Variants in NDST4 observed in about 807,000 individuals in gnomAD.
NDST4 encodes N-heparan sulfate sulfotransferase 4.
A neutral mutation model predicts 100.8 loss-of-function variants in NDST4; 63 were observed. That is an observed-to-expected ratio of 0.62 (90% CI 0.51 to 0.77). NDST4 has a LOEUF of 0.77. Ranked by LOEUF, NDST4 falls within the 30% of genes least tolerant of loss-of-function variation. NDST4 has a pLI of 0.00. For synonymous variants in NDST4, 377 were observed against 361.8 expected (o/e 1.04, Z -0.48); for missense variants, 943 against 1,018.4 (o/e 0.93, Z 1.01).
At chr4:114,899,544 A>G (rs1560802402) in intron 6 of NDST4, among the ~76,000 whole-genome samples, 1 of 151,692 alleles carries the variant, frequency 6.6e-6, no homozygotes, top group East Asian at 1.9e-4. Context: ...TTTTTTTTTA[A>G]TCATGAATGG....
intron 2 of NDST4, among the ~76,000 whole-genome samples, chr4:115,013,370 T>TATATATATATATATACATATAC (rs74678897): frequency 2.8e-5 from 2 of 71,450 alleles, no homozygotes; most frequent in African/African-American, 8.3e-5. Flanking sequence ...TATATATATA[T>TATATATATATATATACATATAC]ACACACACAT....
chr4:114,840,487 A>G (rs1299787878), intron 10 of NDST4, among the ~76,000 whole-genome samples: 2 of 152,172 alleles, frequency 1.3e-5, no homozygotes, highest in African/African-American at 4.8e-5. Context: ...TAGAGGTAGA[A>G]GTTACTTGCT....
chr4:114,856,480 T>C (rs1226602016), intron 7 of NDST4, among the ~76,000 whole-genome samples: 2 of 152,232 alleles, frequency 1.3e-5, no homozygotes, highest in East Asian at 3.8e-4. Context: ...CTTTTAAATA[T>C]AACACTTGTC....
intron 2 of NDST4, among the ~76,000 whole-genome samples, chr4:115,048,232 C>G (rs887391980): frequency 6.6e-6 from 1 of 151,778 alleles, no homozygotes; most frequent in East Asian, 1.9e-4. Flanking sequence ...TATTTTGAAC[C>G]AGTTAAAAGA....
intron 2 of NDST4, among the ~76,000 whole-genome samples, chr4:115,070,306 A>T (rs3132822): frequency 0.24 from 36,842 of 152,054 alleles, 6,004 homozygotes; most frequent in East Asian, 0.46. Flanking sequence ...GCAAACTAAT[A>T]TGGAAACAGA....
At chr4:114,949,978 T>C (rs192850513) in intron 4 of NDST4, among the ~76,000 whole-genome samples, 6 of 152,198 alleles carry the variant, frequency 3.9e-5, no homozygotes, top group Admixed American at 3.9e-4. Flanking sequence ...AAAGTACATG[T>C]AAGAATACTG....
chr4:114,999,687 T>C (rs1727242654), intron 2 of NDST4, among the ~76,000 whole-genome samples: 1 of 152,104 alleles, frequency 6.6e-6, no homozygotes. Context: ...ATTCCTTCCT[T>C]TTATTTTCTT....
chr4:114,872,199 T>A (rs2126197364), intron 6 of NDST4, among the ~76,000 whole-genome samples: 1 of 152,148 alleles, frequency 6.6e-6, no homozygotes, highest in East Asian at 1.9e-4. Flanking sequence ...TGTCACTGGA[T>A]AACTATAAAT....
intron 1 of NDST4, among the ~76,000 whole-genome samples, chr4:115,084,362 C>G (rs1463329394): frequency 6.6e-6 from 1 of 152,112 alleles, no homozygotes; most frequent in Non-Finnish European, 1.5e-5. Flanking sequence ...CCCGATGATG[C>G]AGTAGAAAAG....
chr4:115,046,619 ATG>A (rs36211109), intron 2 of NDST4, among the ~76,000 whole-genome samples: 10 of 150,546 alleles, frequency 6.6e-5, no homozygotes, highest in Non-Finnish European at 5.9e-5. Context: ...TCCCTGTGTG[ATG>A]TGTGTGTGTG....
At chr4:115,007,889 G>A (rs1328686918) in intron 2 of NDST4, among the ~76,000 whole-genome samples, 1 of 129,758 alleles carries the variant, frequency 7.7e-6, no homozygotes, top group Admixed American at 7.9e-5. Context: ...AGGATCTGAG[G>A]CCTGAGTAAA....
intron 2 of NDST4, among the ~76,000 whole-genome samples, chr4:114,989,953 CCT>C (rs1177248358): frequency 6.6e-6 from 1 of 152,034 alleles, no homozygotes; most frequent in Non-Finnish European, 1.5e-5. Flanking sequence ...CTTCAAAATC[CCT>C]GTCTAGCCTT....
chr4:115,061,268 A>G (rs768217126), intron 2 of NDST4, among the ~76,000 whole-genome samples: 4 of 152,124 alleles, frequency 2.6e-5, no homozygotes, highest in Non-Finnish European at 4.4e-5. Flanking sequence ...CAATCCCATT[A>G]CTGGGTATAT....
intron 6 of NDST4, among the ~76,000 whole-genome samples, chr4:114,930,394 T>C (rs895635708): frequency 6.6e-6 from 1 of 152,194 alleles, no homozygotes; most frequent in Admixed American, 6.5e-5. Flanking sequence ...TTGTTTTGTT[T>C]TGTTTTTAAT....
rs771986257 is a variant in NDST4, at chr4:114,833,679, G to C, written c.2323C>G (p.Pro775Ala). 2 of 1,611,992 alleles carry C rather than the reference G, an allele frequency of 1.2e-6. No individual in the cohort carries two copies. Among genetic ancestry groups the C allele is most frequent in the South Asian group, 1.1e-5 (1 of 90,600 alleles). ...IIDGQQLRSD[P>A]ATVMDEVQKF... ...TGGACTTCATCCATCACAGTAGCTG[G>C]GTCAGATCTCAGCTGCTGTCCATCA... The change falls in exon 12 of 14, where the codon CCA (proline) becomes GCA (alanine). Residue 775 changes from proline to alanine, a missense_variant. Around this residue, in one of 2 missense-constraint regions of NDST4, gnomAD observed 526 missense variants for 634.1 expected, o/e 0.83. Coordinates refer to ENST00000264363, the MANE Select transcript of NDST4 (RefSeq NM_022569.3).
intron 4 of NDST4, among the ~76,000 whole-genome samples, chr4:114,965,054 T>C (rs1726350808): frequency 6.6e-6 from 1 of 152,170 alleles, no homozygotes; most frequent in Non-Finnish European, 1.5e-5. Flanking sequence ...ACCTCCAAAA[T>C]ACACTATTTA....
rs1419519061 is a variant in NDST4 at position 114,829,286 on chromosome 4, T to TTTTA, written c.2499+503_2499+504insTAAA. Among the ~76,000 whole-genome samples the TTTTA allele has an allele frequency of 3.2e-3, 487 of 152,290 alleles. 3 individuals are homozygous for TTTTA. The highest frequency in any genetic ancestry group is 0.011 in the African/African-American group (443 of 41,566). On this transcript the variant is annotated intron_variant, in intron 13 of 13. Transcript: ENST00000264363. The stretch of plus-strand genomic sequence containing the variant: ...TCCTGCCGTTTTCTGGTTTCGTTTG[T>TTTTA]CATTGTTTTACGTTTTTATGTCCCT...
intron 1 of NDST4, among the ~76,000 whole-genome samples, chr4:115,079,890 T>C (rs907297327): frequency 3.3e-5 from 5 of 152,186 alleles, no homozygotes; most frequent in Non-Finnish European, 7.3e-5. Context: ...ATCTGCATGA[T>C]GTTGAAATGG....
At position 115,008,878 on chromosome 4, in the gene NDST4, T is replaced by C. The variant is rs182566665; in HGVS notation, c.979-31604A>G. On this transcript the variant is annotated intron_variant, in intron 2 of 13. Coordinates refer to ENST00000264363, the MANE Select transcript of NDST4 (RefSeq NM_022569.3). ...AATGGACACAAATCACAAACATTCT[T>C]ATACACCAATAACAGACAAACAGAG... Among the ~76,000 whole-genome samples the C allele has an allele frequency of 5.7e-5, 7 of 123,196 alleles. 3 individuals carry two copies. The highest frequency in any genetic ancestry group is 8.3e-5 in the Non-Finnish European group (5 of 60,286). The allele number at this position is 123,196 out of a possible 152,430, so 80.8% of individuals were successfully genotyped here. A position where few individuals can be genotyped will look rare whatever the true frequency, so the allele number is the denominator to read the frequency against.
Sources: allele counts gnomAD v4.1 joint callset (sites outside exome capture counted in the v4.1 genomes callset), GRCh38; gene constraint gnomAD v4.1.1; regional missense constraint gnomAD v4.1.1; transcripts MANE v1.5; gene names NCBI Gene and HGNC (gene_info 2026-07-23, HGNC 2026-07-21).